Variants in CCDC148 observed in about 807,000 individuals in gnomAD.
The protein encoded by CCDC148 is coiled-coil domain containing 148, also known as coiled-coil domain-containing protein 148.
A neutral mutation model predicts 85.7 loss-of-function variants in CCDC148; 89 were observed. The ratio of observed to expected loss-of-function variants is 1.04; its 90% confidence interval spans 0.87 to 1.24. The LOEUF (loss-of-function observed/expected upper bound fraction) is 1.24, where lower values mean the gene tolerates loss of function less well. Among genes scored for constraint, CCDC148 ranks in the 50% most tolerant of loss-of-function variants. The pLI is 0.00. For synonymous variants in CCDC148, 230 were observed against 213.9 expected (o/e 1.08, Z -0.66); for missense variants, 692 against 671.7 (o/e 1.03, Z -0.33).
intron 9 of CCDC148, among the ~76,000 whole-genome samples, chr2:158,259,324 TC>T (rs774632517): frequency 2.0e-5 from 3 of 151,846 alleles, no homozygotes; most frequent in Non-Finnish European, 4.4e-5. Context: ...GGTGCCTGTT[TC>T]CCCACTCGAC....
At chr2:158,272,454 A>G (rs1689740633) in intron 9 of CCDC148, among the ~76,000 whole-genome samples, 1 of 152,228 alleles carries the variant, frequency 6.6e-6, no homozygotes, top group Non-Finnish European at 1.5e-5. Flanking sequence ...AAAGTACACA[A>G]CTACTGCCAA....
At chr2:158,430,737 T>C (rs1209803598) in intron 1 of CCDC148, among the ~76,000 whole-genome samples, 2 of 152,154 alleles carry the variant, frequency 1.3e-5, no homozygotes, top group South Asian at 2.1e-4. Context: ...GTATCTATTA[T>C]GTATGAATTT....
At chr2:158,438,652 G>T (rs1242725813) in intron 1 of CCDC148, among the ~76,000 whole-genome samples, 1 of 152,102 alleles carries the variant, frequency 6.6e-6, no homozygotes, top group Non-Finnish European at 1.5e-5. Flanking sequence ...AAGAGCTTCT[G>T]CACAGCAAAA....
chr2:158,434,169 T>C (rs767714787), intron 1 of CCDC148, among the ~76,000 whole-genome samples: 3 of 152,140 alleles, frequency 2.0e-5, no homozygotes. Context: ...ACAGACTGCC[T>C]CCTCAAGTGG....
intron 10 of CCDC148, among the ~76,000 whole-genome samples, chr2:158,245,536 A>G (rs918732929): frequency 2.0e-5 from 3 of 152,148 alleles, no homozygotes; most frequent in African/African-American, 7.2e-5. Flanking sequence ...GAGGGGAGAG[A>G]TATGTCTTCT....
intron 12 of CCDC148, chr2:158,178,103 T>A (rs1310470391): frequency 6.6e-6 from 1 of 152,090 alleles, no homozygotes; most frequent in Non-Finnish European, 1.5e-5. Context: ...ATGACCTGTT[T>A]CCAGTGCCGG....
intron 1 of CCDC148, among the ~76,000 whole-genome samples, chr2:158,438,940 T>C (rs6760453): frequency 0.85 from 129,526 of 152,108 alleles, 57,004 homozygotes; most frequent in Non-Finnish European, 0.96. Context: ...CATCTCATAC[T>C]AGTTAGAATG....
At chr2:158,436,978 AT>A (rs1246606847) in intron 1 of CCDC148, among the ~76,000 whole-genome samples, 1 of 152,224 alleles carries the variant, frequency 6.6e-6, no homozygotes, top group Admixed American at 6.5e-5. Context: ...AATTGAGGCA[AT>A]AATTAATAGC....
chr2:158,242,847 G>C (rs1364752897), intron 10 of CCDC148, among the ~76,000 whole-genome samples: 2 of 152,012 alleles, frequency 1.3e-5, no homozygotes, highest in Admixed American at 1.3e-4. Flanking sequence ...TGAGCCTTTA[G>C]TGAAATATCA....
At chr2:158,401,083 A>C (rs537433336) in intron 1 of CCDC148, among the ~76,000 whole-genome samples, 1 of 152,308 alleles carries the variant, frequency 6.6e-6, no homozygotes, top group East Asian at 1.9e-4. Context: ...AGAAATAGGA[A>C]CGCTTTTACA....
At chr2:158,419,275 A>T (rs1686654206) in intron 1 of CCDC148, among the ~76,000 whole-genome samples, 1 of 152,190 alleles carries the variant, frequency 6.6e-6, no homozygotes, top group Non-Finnish European at 1.5e-5. Flanking sequence ...GCTCTATGAA[A>T]ATTTAAATAC....
intron 11 of CCDC148, among the ~76,000 whole-genome samples, chr2:158,219,459 T>G (rs79841281): frequency 0.022 from 3,285 of 152,268 alleles, 116 homozygotes; most frequent in African/African-American, 0.074. Context: ...AAAAGGCTGC[T>G]TGAAGGACAC....
At chr2:158,204,746 G>A (rs7604580) in intron 11 of CCDC148, among the ~76,000 whole-genome samples, 40,414 of 151,994 alleles carry the variant, frequency 0.27, 5,606 homozygotes, top group Middle Eastern at 0.33. Flanking sequence ...ATTCATCTCA[G>A]CAGGCATCAT....
chr2:158,309,684 G>T, intron 8 of CCDC148, 45 bp from the exon 9 acceptor site: 1 of 1,316,656 alleles, frequency 7.6e-7, no homozygotes, highest in South Asian at 1.4e-5. Flanking sequence ...ATGAAAATGA[G>T]CTTACATTTT....
chr2:158,292,575 G>C (rs1232826802), intron 9 of CCDC148, among the ~76,000 whole-genome samples: 1 of 152,132 alleles, frequency 6.6e-6, no homozygotes, highest in East Asian at 1.9e-4. Flanking sequence ...ATCAAGACTC[G>C]AGTCTTTCTA....
chr2:158,197,324 G>A (rs1246514587), intron 11 of CCDC148, among the ~76,000 whole-genome samples: 3 of 152,076 alleles, frequency 2.0e-5, no homozygotes, highest in African/African-American at 7.2e-5. Context: ...AAGGTAGAGA[G>A]TCTAATTACG....
intron 10 of CCDC148, among the ~76,000 whole-genome samples, chr2:158,243,507 C>A (rs1688438356): frequency 1.3e-5 from 2 of 152,092 alleles, no homozygotes; most frequent in African/African-American, 4.8e-5. Flanking sequence ...ATACCACAAT[C>A]TTTTTGAAAT....
At chr2:158,198,406 A>C (rs528463525) in intron 11 of CCDC148, among the ~76,000 whole-genome samples, 2 of 152,224 alleles carry the variant, frequency 1.3e-5, no homozygotes, top group African/African-American at 4.8e-5. Flanking sequence ...AAATAATAGT[A>C]TCACTGTGTT....
chr2:158,444,867 T>C (rs1002223096), intron 1 of CCDC148, among the ~76,000 whole-genome samples: 14 of 150,864 alleles, frequency 9.3e-5, no homozygotes, highest in African/African-American at 3.2e-4. Context: ...GATTAGAAAT[T>C]ATGTTAGTTA....
Sources: allele counts gnomAD v4.1 joint callset (sites outside exome capture counted in the v4.1 genomes callset), GRCh38; gene constraint gnomAD v4.1.1; transcripts MANE v1.5; gene names NCBI Gene and HGNC (gene_info 2026-07-23, HGNC 2026-07-21).